The following KDM4C variants were observed in gnomAD, a reference collection of about 807,000 sequenced individuals.
The protein encoded by KDM4C is lysine demethylase 4C, also known as lysine-specific demethylase 4C.
In KDM4C, 81 loss-of-function variants were observed where a neutral mutation model predicts 129.3. The ratio of observed to expected loss-of-function variants is 0.63; its 90% CI spans 0.52 to 0.75. The LOEUF is 0.75. KDM4C is among the 30% of genes least tolerant of loss of function. The pLI is 0.00. For synonymous variants in KDM4C, 573 were observed against 456.1 expected (o/e 1.26, Z -3.26); for missense variants, 1,457 against 1,304.0 (o/e 1.12, Z -1.81).
intron 4 of KDM4C, among the ~76,000 whole-genome samples, chr9:6,848,431 C>A (rs924462109): frequency 6.6e-6 from 1 of 152,048 alleles, no homozygotes; most frequent in African/African-American, 2.4e-5. Flanking sequence ...CTTTGGGAGG[C>A]CGAGGTGGGC....
intron 10 of KDM4C, among the ~76,000 whole-genome samples, chr9:6,985,648 T>C (rs938762306): frequency 6.6e-6 from 1 of 152,174 alleles, no homozygotes; most frequent in Non-Finnish European, 1.5e-5. Context: ...AATAGAGAGT[T>C]AGGCAATACA....
chr9:6,823,195 A>G (rs1271805072), intron 4 of KDM4C, among the ~76,000 whole-genome samples: 1 of 152,162 alleles, frequency 6.6e-6, no homozygotes, highest in East Asian at 1.9e-4. Flanking sequence ...GGTGACACAT[A>G]GCTCCTCCTC....
chr9:6,989,118 C>A (rs1322077466), intron 11 of KDM4C, among the ~76,000 whole-genome samples: 1 of 152,168 alleles, frequency 6.6e-6, no homozygotes, highest in African/African-American at 2.4e-5. Flanking sequence ...TATAATTTCC[C>A]ATATTGTTTT....
chr9:7,156,194 G>A (rs1421994386), intron 19 of KDM4C, among the ~76,000 whole-genome samples: 1 of 152,154 alleles, frequency 6.6e-6, no homozygotes, highest in Non-Finnish European at 1.5e-5. Flanking sequence ...CCCACTTTTT[G>A]ATGAGGTTGT....
At chr9:6,838,130 C>G (rs781314765) in intron 4 of KDM4C, among the ~76,000 whole-genome samples, 101 of 152,316 alleles carry the variant, frequency 6.6e-4, no homozygotes, top group Non-Finnish European at 1.1e-3. Context: ...GTTCACCTCT[C>G]CTTCAGGTTG....
chr9:6,789,529 A>G (rs991927184), intron 1 of KDM4C, among the ~76,000 whole-genome samples: 2 of 151,468 alleles, frequency 1.3e-5, no homozygotes, highest in Non-Finnish European at 2.9e-5. Context: ...CACGCCCAGC[A>G]AATTTTTATA....
At chr9:6,741,676 C>CTTT (rs71315557) in intron 1 of KDM4C, among the ~76,000 whole-genome samples, 9 of 94,072 alleles carry the variant, frequency 9.6e-5, no homozygotes, top group East Asian at 3.0e-4. Flanking sequence ...GGTGGCAGCT[C>CTTT]TTTTTTTTTT....
At chr9:6,786,675 GAAAC>G (rs945609869) in intron 1 of KDM4C, among the ~76,000 whole-genome samples, 1 of 152,138 alleles carries the variant, frequency 6.6e-6, no homozygotes, top group Non-Finnish European at 1.5e-5. Flanking sequence ...AGGTAAAAGA[GAAAC>G]AAGAGGGACT....
chr9:6,778,044 C>T (rs889530471), intron 1 of KDM4C, among the ~76,000 whole-genome samples: 3 of 151,312 alleles, frequency 2.0e-5, no homozygotes, highest in African/African-American at 4.9e-5. Flanking sequence ...CCTCAGCCTC[C>T]TGAGTGGCTG....
chr9:6,948,992 G>T (rs996834499), intron 8 of KDM4C, among the ~76,000 whole-genome samples: 7 of 152,248 alleles, frequency 4.6e-5, no homozygotes, highest in African/African-American at 1.7e-4. Context: ...TCATTGAGCT[G>T]TTGGGTACAC....
chr9:6,969,134 C>T (rs965420393), intron 8 of KDM4C, among the ~76,000 whole-genome samples: 1 of 152,122 alleles, frequency 6.6e-6, no homozygotes, highest in African/African-American at 2.4e-5. Context: ...TGGGGTTTCA[C>T]CATATTGGCC....
chr9:6,802,286 A>C (rs1564041472), intron 2 of KDM4C, among the ~76,000 whole-genome samples: 1 of 152,050 alleles, frequency 6.6e-6, no homozygotes, highest in African/African-American at 2.4e-5. Flanking sequence ...AGGAATGGGA[A>C]CTCTCGTATA....
At chr9:7,029,205 G>A (rs115778630) in intron 15 of KDM4C, among the ~76,000 whole-genome samples, 125 of 151,974 alleles carry the variant, frequency 8.2e-4, no homozygotes, top group African/African-American at 2.8e-3. Context: ...TTCTCCTGCA[G>A]GCTATTGCTA....
chr9:6,748,652 C>G, intron 1 of KDM4C: 1 of 1,010,232 alleles, frequency 9.9e-7, no homozygotes, highest in Non-Finnish European at 1.6e-6. Flanking sequence ...CAAAGGACGT[C>G]TAAAAACAAA....
At chr9:7,074,436 G>T (rs894863673) in intron 17 of KDM4C, among the ~76,000 whole-genome samples, 27 of 152,002 alleles carry the variant, frequency 1.8e-4, no homozygotes, top group Non-Finnish European at 3.2e-4. Context: ...CAAAGTCCTG[G>T]GATTACGGGT....
intron 19 of KDM4C, among the ~76,000 whole-genome samples, chr9:7,138,057 C>T (rs1841391595): frequency 6.6e-6 from 1 of 152,186 alleles, no homozygotes; most frequent in Admixed American, 6.5e-5. Flanking sequence ...AGTAATAAAT[C>T]TTGCCTTTTG....
chr9:6,998,824 C>T (rs577578410), intron 12 of KDM4C, among the ~76,000 whole-genome samples: 138 of 152,018 alleles, frequency 9.1e-4, no homozygotes, highest in African/African-American at 3.3e-3. Flanking sequence ...AACAAACAAA[C>T]AACAACAACA....
At chr9:6,979,033 G>T (rs1168232358) in intron 8 of KDM4C, among the ~76,000 whole-genome samples, 1 of 152,056 alleles carries the variant, frequency 6.6e-6, no homozygotes, top group Admixed American at 6.6e-5. Flanking sequence ...TTGTAATCAT[G>T]ATCAGGCCTA....
At chr9:7,022,135 T>A (rs1208034447) in intron 15 of KDM4C, among the ~76,000 whole-genome samples, 1 of 152,196 alleles carries the variant, frequency 6.6e-6, no homozygotes, top group Non-Finnish European at 1.5e-5. Flanking sequence ...TTGGCTGTTC[T>A]GGGTCTTTTG....
Sources: allele counts gnomAD v4.1 joint callset (sites outside exome capture counted in the v4.1 genomes callset), GRCh38; gene constraint gnomAD v4.1.1; transcripts MANE v1.5; gene names NCBI Gene and HGNC (gene_info 2026-07-23, HGNC 2026-07-21).